Variants in LINGO2 observed in about 807,000 individuals in gnomAD.
LINGO2 encodes leucine-rich repeat and immunoglobulin-like domain-containing nogo receptor-interacting protein 2.
In LINGO2, 14 loss-of-function variants were observed where a neutral mutation model predicts 30.6. The observed-to-expected ratio is 0.46, with a 90% CI of 0.30 to 0.72. The LOEUF (loss-of-function observed/expected upper bound fraction) is 0.72. Ranked by LOEUF, LINGO2 falls within the 30% of genes least tolerant of loss-of-function variation. The probability of loss-of-function intolerance (pLI) is 0.07; values close to 1 mark genes in which losing one functional copy is unlikely to be tolerated. For missense variants in LINGO2, 729 were observed against 751.7 expected (o/e 0.97, Z 0.35); for synonymous variants, 317 against 288.5 (o/e 1.10, Z -1.00).
the LINGO2 span, among the ~76,000 whole-genome samples, chr9:28,935,575 T>C: frequency 1.3e-5 from 2 of 152,042 alleles, no homozygotes; most frequent in Admixed American, 6.6e-5. Flanking sequence ...TACATAGTGA[T>C]TGGGAGTCAA....
intron 2 of LINGO2, among the ~76,000 whole-genome samples, chr9:28,423,356 A>G (rs10812817): frequency 0.3 from 45,682 of 151,912 alleles, 7,837 homozygotes; most frequent in Non-Finnish European, 0.38. Flanking sequence ...GGGAAAAAAA[A>G]TTAAACAGTA....
At chr9:28,032,091 G>A (rs980454200) in intron 4 of LINGO2, among the ~76,000 whole-genome samples, 4 of 151,826 alleles carry the variant, frequency 2.6e-5, no homozygotes, top group Admixed American at 2.0e-4. Flanking sequence ...AAACCGCAGA[G>A]CTGGGGGGAA....
chr9:28,625,939 G>C (rs186143874), intron 1 of LINGO2, among the ~76,000 whole-genome samples: 206 of 151,468 alleles, frequency 1.4e-3, no homozygotes, highest in African/African-American at 4.9e-3. Flanking sequence ...AGTTTTCTTG[G>C]GTAAATACCG....
At chr9:29,061,467 G>A in the LINGO2 span, among the ~76,000 whole-genome samples, 110 of 151,898 alleles carry the variant, frequency 7.2e-4, no homozygotes, top group Non-Finnish European at 1.3e-3. Flanking sequence ...ACAGTGTGAT[G>A]CTGGTATTAA....
At chr9:28,873,559 C>A in the LINGO2 span, among the ~76,000 whole-genome samples, 100 of 152,110 alleles carry the variant, frequency 6.6e-4, no homozygotes, top group African/African-American at 2.3e-3. Context: ...TTTACCTTGG[C>A]ATTACTTTGA....
At chr9:27,938,054 A>C in the LINGO2 span, 1 of 152,188 alleles carries the variant, frequency 6.6e-6, no homozygotes, top group Admixed American at 6.6e-5. Context: ...TATCCATTCA[A>C]ACTCTTGTTT....
intron 2 of LINGO2, among the ~76,000 whole-genome samples, chr9:28,376,285 C>T (rs7875122): frequency 2.6e-5 from 4 of 151,092 alleles, no homozygotes; most frequent in South Asian, 2.1e-4. Context: ...AGAAGAGAAG[C>T]GAAGCGAGAG....
chr9:28,510,941 G>A (rs559516220), intron 1 of LINGO2, among the ~76,000 whole-genome samples: 1 of 152,196 alleles, frequency 6.6e-6, no homozygotes, highest in East Asian at 1.9e-4. Context: ...TCGAGTGCGG[G>A]AGAAAGATAT....
chr9:28,421,569 A>G (rs1576738), intron 2 of LINGO2, among the ~76,000 whole-genome samples: 151,676 of 152,018 alleles, frequency 1, 75,668 homozygotes, highest in Non-Finnish European at 1. Flanking sequence ...ATGGGGGATT[A>G]GTTTCAGGAC....
At chr9:28,655,406 G>C (rs1377459583) in intron 1 of LINGO2, among the ~76,000 whole-genome samples, 1 of 152,054 alleles carries the variant, frequency 6.6e-6, no homozygotes, top group Non-Finnish European at 1.5e-5. Flanking sequence ...GAAGGGACTT[G>C]CCTTGTCTCA....
chr9:28,057,098 T>C (rs570849559), intron 4 of LINGO2, among the ~76,000 whole-genome samples: 67 of 152,244 alleles, frequency 4.4e-4, no homozygotes, highest in African/African-American at 1.5e-3. Flanking sequence ...GTAGTGGCTG[T>C]TGCGCTTATG....
intron 5 of LINGO2, among the ~76,000 whole-genome samples, chr9:27,969,647 G>T (rs537399611): frequency 1.3e-5 from 2 of 152,100 alleles, no homozygotes; most frequent in African/African-American, 2.4e-5. Context: ...AGAAGTGATA[G>T]AAAGGGGATT....
chr9:29,091,325 T>G, the LINGO2 span, among the ~76,000 whole-genome samples: 1 of 152,162 alleles, frequency 6.6e-6, no homozygotes, highest in African/African-American at 2.4e-5. Flanking sequence ...ATGTTTAGAT[T>G]TATAGACATT....
the LINGO2 span, among the ~76,000 whole-genome samples, chr9:28,710,139 T>C: frequency 9.2e-5 from 14 of 151,722 alleles, no homozygotes; most frequent in Middle Eastern, 3.4e-3. Flanking sequence ...TGGGAGCTGA[T>C]TGGGTCAAGT....
the LINGO2 span, among the ~76,000 whole-genome samples, chr9:28,720,249 A>G: frequency 1.1e-4 from 16 of 152,052 alleles, no homozygotes; most frequent in East Asian, 1.9e-4. Context: ...CCATAGATTC[A>G]CTCTACGTTT....
the LINGO2 span, among the ~76,000 whole-genome samples, chr9:28,732,839 C>G: frequency 1.2e-4 from 18 of 152,162 alleles, no homozygotes; most frequent in Non-Finnish European, 2.9e-5. Flanking sequence ...ACACATTCCA[C>G]TTTCTGAAGA....
At chr9:28,647,516 A>T (rs13299115) in intron 1 of LINGO2, among the ~76,000 whole-genome samples, 23,884 of 151,926 alleles carry the variant, frequency 0.16, 2,114 homozygotes, top group East Asian at 0.31. Context: ...AATGTACTTT[A>T]TTTCCTACTA....
the LINGO2 span, among the ~76,000 whole-genome samples, chr9:28,883,636 A>ATATATATATATATATTATG: frequency 2.1e-4 from 5 of 24,146 alleles, 1 homozygote; most frequent in Non-Finnish European, 5.1e-4. Flanking sequence ...GTGTATATAT[A>ATATATATATATATATTATG]TATATATATA....
the LINGO2 span, among the ~76,000 whole-genome samples, chr9:29,063,548 GC>G: frequency 6.6e-6 from 1 of 151,828 alleles, no homozygotes; most frequent in East Asian, 1.9e-4. Context: ...ACAGAGGTCT[GC>G]CACCATGCCC....
Sources: gnomAD v4.1 joint callset for allele counts (sites outside exome capture counted in the v4.1 genomes callset) on GRCh38, gnomAD v4.1.1 for gene constraint, MANE v1.5 for transcripts, NCBI Gene and HGNC (gene_info 2026-07-23, HGNC 2026-07-21) for gene names.